CSTF3: variants seen among roughly 807,000 people sequenced by gnomAD.
The protein encoded by CSTF3 is cleavage stimulation factor subunit 3.
Under a neutral mutation model 105.8 loss-of-function variants are expected in CSTF3, and 29 were observed. The observed-to-expected ratio is 0.27, with a 90% CI of 0.20 to 0.37. The LOEUF (loss-of-function observed/expected upper bound fraction) is 0.37, where lower values mean the gene tolerates loss of function less well. Ranked by LOEUF, CSTF3 falls within the 10% of genes least tolerant of loss-of-function variation. The pLI, the probability that CSTF3 is intolerant of heterozygous loss-of-function variation, is 1.00. For synonymous variants in CSTF3, 252 were observed against 281.9 expected (o/e 0.89, Z 1.06); for missense variants, 357 against 879.3 (o/e 0.41, Z 7.51).
chr11:33,127,124 A>G (rs531602622), intron 3 of CSTF3, among the ~76,000 whole-genome samples: 1 of 152,344 alleles, frequency 6.6e-6, no homozygotes, highest in Admixed American at 6.5e-5. Context: ...AAGGAACATC[A>G]AGGAGGCCAG....
At chr11:33,091,831 C>T (rs1855172116) in intron 16 of CSTF3, among the ~76,000 whole-genome samples, 1 of 152,112 alleles carries the variant, frequency 6.6e-6, no homozygotes, top group Non-Finnish European at 1.5e-5. Flanking sequence ...GCTCCCACCT[C>T]CGCCTCCCAG....
At chr11:33,116,071 A>G (rs781431684) in intron 3 of CSTF3, among the ~76,000 whole-genome samples, 34 of 152,250 alleles carry the variant, frequency 2.2e-4, no homozygotes, top group Non-Finnish European at 4.7e-4. Flanking sequence ...ATGAGTGTAA[A>G]TTATAGACCA....
chr11:33,122,471 A>C (rs945495062), intron 3 of CSTF3, among the ~76,000 whole-genome samples: 5 of 152,190 alleles, frequency 3.3e-5, no homozygotes, highest in Admixed American at 2.6e-4. Context: ...ATATAACAGT[A>C]TGTGAGTCTC....
intron 3 of CSTF3, among the ~76,000 whole-genome samples, chr11:33,122,930 A>G (rs557286702): frequency 1.5e-3 from 224 of 149,174 alleles, no homozygotes; most frequent in Middle Eastern, 3.5e-3. Flanking sequence ...AAAAAAAAAA[A>G]AAAAGAAAAG....
chr11:33,142,220 A>G (rs1443532688), intron 1 of CSTF3, among the ~76,000 whole-genome samples: 1 of 151,668 alleles, frequency 6.6e-6, no homozygotes, highest in Non-Finnish European at 1.5e-5. Context: ...CTCAGAGAGA[A>G]AAAAAAAAGA....
chr11:33,155,744 T>TTGTTGG (rs1849857328), intron 1 of CSTF3, among the ~76,000 whole-genome samples: 1 of 152,078 alleles, frequency 6.6e-6, no homozygotes, highest in Non-Finnish European at 1.5e-5. Flanking sequence ...CTCACACCAT[T>TTGTTGG]ACCAACTGTC....
intron 1 of CSTF3, among the ~76,000 whole-genome samples, chr11:33,146,217 T>G (rs1855780790): frequency 1.3e-5 from 2 of 151,058 alleles, no homozygotes; most frequent in African/African-American, 2.4e-5. Flanking sequence ...CACTCCAGCC[T>G]GGGTAATAGA....
At chr11:33,152,907 G>A (rs1849805777) in intron 1 of CSTF3, among the ~76,000 whole-genome samples, 2 of 151,796 alleles carry the variant, frequency 1.3e-5, no homozygotes, top group Admixed American at 6.6e-5. Context: ...GCAGTGAGCT[G>A]GGATCGCACC....
chr11:33,151,675 T>C (rs1273921473), intron 1 of CSTF3, among the ~76,000 whole-genome samples: 3 of 152,216 alleles, frequency 2.0e-5, no homozygotes. Flanking sequence ...GTAAGATTTC[T>C]TTGTGGAGTT....
chr11:33,096,707 ATACACT>A (rs759039145), intron 14 of CSTF3, 122 bp downstream of exon 14: 1 of 865,762 alleles, frequency 1.2e-6, no homozygotes. Context: ...TTTTACACAG[ATACACT>A]TAGACTGCCT....
intron 1 of CSTF3, among the ~76,000 whole-genome samples, chr11:33,158,395 GA>G (rs1372806190): frequency 6.6e-6 from 1 of 151,988 alleles, no homozygotes; most frequent in African/African-American, 2.4e-5. Context: ...TCTTTAGGAA[GA>G]AAAAAAGTCT....
intron 1 of CSTF3, among the ~76,000 whole-genome samples, chr11:33,157,140 G>A (rs549493973): frequency 2.0e-5 from 3 of 151,918 alleles, no homozygotes; most frequent in South Asian, 2.1e-4. Flanking sequence ...ATCACTTGAG[G>A]TCAGGAGTTC....
intron 20 of CSTF3, 56 bp downstream of exon 20, chr11:33,085,657 T>G (rs1431913356): frequency 7.0e-7 from 1 of 1,428,128 alleles, no homozygotes; most frequent in African/African-American, 1.4e-5. Flanking sequence ...TAATCTCTAC[T>G]GCCTATGAGA....
At chr11:33,112,655 G>T (rs886131033) in intron 3 of CSTF3, among the ~76,000 whole-genome samples, 11 of 152,108 alleles carry the variant, frequency 7.2e-5, no homozygotes, top group African/African-American at 2.7e-4. Context: ...CCAATACCCT[G>T]TCTTTAGCCA....
chr11:33,097,624 C>G (rs1289750596), intron 13 of CSTF3, among the ~76,000 whole-genome samples: 2 of 152,226 alleles, frequency 1.3e-5, no homozygotes, highest in Non-Finnish European at 2.9e-5. Flanking sequence ...GCCTCGACCT[C>G]CCAAAGTGCT....
At chr11:33,135,860 T>C (rs1343474779) in intron 3 of CSTF3, among the ~76,000 whole-genome samples, 3 of 152,126 alleles carry the variant, frequency 2.0e-5, no homozygotes, top group Admixed American at 6.5e-5. Context: ...AAATGTTGCA[T>C]TTAAATAAAA....
At chr11:33,105,966 T>G in intron 6 of CSTF3, 32 bp downstream of exon 6, 1 of 1,583,618 alleles carries the variant, frequency 6.3e-7, no homozygotes, top group Non-Finnish European at 8.6e-7. Context: ...TTCTTACATT[T>G]AAGTGCATAC....
rs985519131 is a variant in CSTF3, at chr11:33,084,708, C to T, written c.*379G>A. 10 of 207,136 alleles carry T rather than the reference C, an allele frequency of 4.8e-5. No homozygotes were observed. In the South Asian group the frequency reaches 8.0e-4, roughly 17 times the overall value. 12.8% of individuals were successfully genotyped at this position (207,136 alleles called of 1,614,324 possible). A position where few individuals can be genotyped will look rare whatever the true frequency, so the allele number is the denominator to read the frequency against. On this transcript the variant is annotated 3_prime_UTR_variant, in exon 21 of 21. Transcript: ENST00000323959. ...GGACTCTACATAAGCAAACCAAGAA[C>T]AATTGTTTTCAGAAAATGTGATAAA...
At chr11:33,085,333 G>A in intron 20 of CSTF3, 44 bp from the exon 21 acceptor site, 1 of 1,462,512 alleles carries the variant, frequency 6.8e-7, no homozygotes, top group Non-Finnish European at 9.2e-7. Context: ...ATTCCACTAT[G>A]AAAGGGTATG....
Sources: allele counts gnomAD v4.1 joint callset (sites outside exome capture counted in the v4.1 genomes callset), GRCh38; gene constraint gnomAD v4.1.1; transcripts MANE v1.5; gene names NCBI Gene and HGNC (gene_info 2026-07-23, HGNC 2026-07-21).